OXR1: variants seen among roughly 807,000 people sequenced by gnomAD.
OXR1 encodes the protein oxidation resistance protein 1.
In OXR1, 41 loss-of-function variants were observed where a neutral mutation model predicts 104.6. The observed-to-expected ratio is 0.39, with a 90% CI of 0.31 to 0.51. The LOEUF (loss-of-function observed/expected upper bound fraction) is 0.51, where lower values mean the gene tolerates loss of function less well. Ranked by LOEUF, OXR1 falls within the 20% of genes least tolerant of loss-of-function variation. The probability of loss-of-function intolerance (pLI) is 0.77; values close to 1 mark genes in which losing one functional copy is unlikely to be tolerated. For synonymous variants in OXR1, 348 were observed against 348.4 expected, an observed-to-expected ratio of 1.00 and a Z score of 0.01; for missense variants, 955 against 1,031.9, an observed-to-expected ratio of 0.93 and a Z score of 1.02.
At chr8:106,687,600 A>G (rs1336529164) in intron 6 of OXR1, among the ~76,000 whole-genome samples, 3 of 151,818 alleles carry the variant, frequency 2.0e-5, no homozygotes, top group Non-Finnish European at 4.4e-5. Context: ...GGCACTTGTA[A>G]TTCCAGCCAC....
chr8:106,716,702 G>T (rs1262380463), intron 11 of OXR1, among the ~76,000 whole-genome samples: 1 of 139,138 alleles, frequency 7.2e-6, no homozygotes, highest in Non-Finnish European at 1.6e-5. Flanking sequence ...AAAGAAAAAA[G>T]AATGTAAACA....
intron 2 of OXR1, among the ~76,000 whole-genome samples, chr8:106,361,104 AGAGAG>A (rs1816226649): frequency 6.6e-6 from 1 of 152,228 alleles, no homozygotes; most frequent in African/African-American, 2.4e-5. Flanking sequence ...CTCCGCAAAG[AGAGAG>A]ACTGCATGTC....
intron 3 of OXR1, among the ~76,000 whole-genome samples, chr8:106,599,594 A>G (rs1288949275): frequency 2.0e-5 from 3 of 152,250 alleles, no homozygotes; most frequent in African/African-American, 7.2e-5. Flanking sequence ...CCAGAAGCTT[A>G]AGTAATGCAA....
intron 2 of OXR1, among the ~76,000 whole-genome samples, chr8:106,437,770 A>G (rs1819636296): frequency 6.6e-6 from 1 of 152,136 alleles, no homozygotes. Context: ...CATATTAGCC[A>G]ATAAAGCAAA....
chr8:106,456,760 GTCATGAAATGAA>G (rs1820618276), intron 2 of OXR1, among the ~76,000 whole-genome samples: 1 of 152,096 alleles, frequency 6.6e-6, no homozygotes, highest in African/African-American at 2.4e-5. Context: ...CTTTGAACTG[GTCATGAAATGAA>G]ACATTAAGTC....
In OXR1 at chr8:106,621,955, C is replaced by G. The variant is rs144332200; in HGVS notation, c.221-57255C>G. 8.7e-4 allele frequency among the ~76,000 whole-genome samples: 133 copies of G among 152,290 alleles called. 2 individuals are homozygous for G. In the East Asian group the frequency reaches 0.021, roughly 24 times the overall value. On this transcript the variant is annotated intron_variant, in intron 3 of 16. Coordinates refer to ENST00000517566, the MANE Select transcript of OXR1 (RefSeq NM_001198533.2). ...TATTAATAACAACAAACACATCAGA[C>G]CCACTTGATGTTAACTGCTATACTT...
chr8:106,657,045 C>A (rs768461622), intron 3 of OXR1, among the ~76,000 whole-genome samples: 4 of 151,986 alleles, frequency 2.6e-5, no homozygotes, highest in South Asian at 2.1e-4. Flanking sequence ...AAAAGAACTA[C>A]AAACAGATGT....
chr8:106,709,983 G>C (rs1470280592), intron 9 of OXR1, among the ~76,000 whole-genome samples: 3 of 152,076 alleles, frequency 2.0e-5, no homozygotes, highest in Non-Finnish European at 2.9e-5. Flanking sequence ...TTCCTCCAGT[G>C]TGCTGCCTTG....
intron 2 of OXR1, among the ~76,000 whole-genome samples, chr8:106,457,239 A>T (rs531113908): frequency 8.5e-4 from 129 of 152,194 alleles, no homozygotes; most frequent in Non-Finnish European, 1.4e-3. Context: ...TTGTCTTGGG[A>T]TAGGTTTCTG....
chr8:106,495,811 G>T (rs1352233122), intron 2 of OXR1, among the ~76,000 whole-genome samples: 4 of 152,132 alleles, frequency 2.6e-5, no homozygotes, highest in Admixed American at 6.5e-5. Context: ...ATACTTTAGA[G>T]ATTGGAATAA....
At chr8:106,357,630 T>C (rs558641337) in intron 1 of OXR1, among the ~76,000 whole-genome samples, 1 of 150,244 alleles carries the variant, frequency 6.7e-6, no homozygotes, top group Non-Finnish European at 1.5e-5. Context: ...CTATGTTAAA[T>C]GGTTTTTTAT....
At chr8:106,447,992 GCTATAA>G in intron 2 of OXR1, 1 of 1,531,488 alleles carries the variant, frequency 6.5e-7, no homozygotes, top group Non-Finnish European at 8.7e-7. Context: ...CTCCCACACA[GCTATAA>G]GGTTGCCTGC....
intron 1 of OXR1, among the ~76,000 whole-genome samples, chr8:106,308,929 C>CA (rs1185512876): frequency 2.0e-5 from 3 of 151,922 alleles, no homozygotes; most frequent in Admixed American, 2.0e-4. Context: ...TTGTAGTACT[C>CA]AATGAAAAGC....
At chr8:106,578,692 G>C (rs887431428) in intron 3 of OXR1, among the ~76,000 whole-genome samples, 1 of 152,194 alleles carries the variant, frequency 6.6e-6, no homozygotes, top group African/African-American at 2.4e-5. Flanking sequence ...CAGATTTAAT[G>C]TGGTTGTAAA....
chr8:106,588,597 C>T (rs1818835493), intron 3 of OXR1, among the ~76,000 whole-genome samples: 1 of 151,784 alleles, frequency 6.6e-6, no homozygotes, highest in Non-Finnish European at 1.5e-5. Context: ...AAGCAATTCT[C>T]CTGCCTCAGC....
intron 1 of OXR1, among the ~76,000 whole-genome samples, chr8:106,300,949 G>A (rs1503570): frequency 0.22 from 33,439 of 152,002 alleles, 5,452 homozygotes; most frequent in African/African-American, 0.46. Flanking sequence ...TCATTTTTAT[G>A]TCTGGATTAG....
At chr8:106,387,253 A>G (rs1386341441) in intron 2 of OXR1, among the ~76,000 whole-genome samples, 1 of 152,254 alleles carries the variant, frequency 6.6e-6, no homozygotes, top group Non-Finnish European at 1.5e-5. Context: ...AAGATTGCAA[A>G]TATCAGGGAA....
At chr8:106,720,689 T>C (rs1832752004) in intron 11 of OXR1, 1 of 969,120 alleles carries the variant, frequency 1.0e-6, no homozygotes, top group African/African-American at 1.8e-5. Context: ...ACTTCCATCA[T>C]GTTGTGTACT....
chr8:106,720,819 C>A, intron 11 of OXR1: 1 of 351,682 alleles, frequency 2.8e-6, no homozygotes, highest in Non-Finnish European at 4.0e-6. Context: ...ATATATTTGG[C>A]AAGTGCCTGA....
Sources: allele counts gnomAD v4.1 joint callset (sites outside exome capture counted in the v4.1 genomes callset), GRCh38; gene constraint gnomAD v4.1.1; transcripts MANE v1.5; gene names NCBI Gene and HGNC (gene_info 2026-07-23, HGNC 2026-07-21).